Variants in CANX observed in about 807,000 individuals in gnomAD.
CANX encodes calnexin.
Under a neutral mutation model 75.7 loss-of-function variants are expected in CANX, and 14 were observed. That is an observed-to-expected ratio of 0.19 (90% CI 0.12 to 0.29). The LOEUF (loss-of-function observed/expected upper bound fraction) is 0.29, where lower values mean the gene tolerates loss of function less well. Ranked by LOEUF, CANX falls within the 10% of genes least tolerant of loss-of-function variation. The probability of loss-of-function intolerance (pLI) is 1.00; values close to 1 mark genes in which losing one functional copy is unlikely to be tolerated. For synonymous variants in CANX, 227 were observed against 236.9 expected (o/e 0.96, Z 0.38); for missense variants, 567 against 713.2 (o/e 0.79, Z 2.34).
chr5:179,682,111 G>T (rs1298857623), intron 1 of CANX, among the ~76,000 whole-genome samples: 2 of 151,904 alleles, frequency 1.3e-5, no homozygotes, highest in Non-Finnish European at 2.9e-5. Context: ...AATTAGCCGG[G>T]TGTGGTGGCG....
intron 1 of CANX, among the ~76,000 whole-genome samples, chr5:179,681,944 TAAAAAA>T (rs58981244): frequency 1.6e-5 from 2 of 125,364 alleles, no homozygotes; most frequent in Non-Finnish European, 1.6e-5. Context: ...ACCCTGTGTT[TAAAAAA>T]AAAAAAAAAA....
At chr5:179,702,240 T>TA (rs1341553802) in intron 1 of CANX, among the ~76,000 whole-genome samples, 1 of 151,260 alleles carries the variant, frequency 6.6e-6, no homozygotes, top group Non-Finnish European at 1.5e-5. Context: ...TTTTCATAGA[T>TA]ACTTCGCTTT....
chr5:179,702,860 C>G (rs1027613414), intron 1 of CANX, among the ~76,000 whole-genome samples: 1 of 152,094 alleles, frequency 6.6e-6, no homozygotes, highest in African/African-American at 2.4e-5. Context: ...AACTCCACTT[C>G]CCGGGTTCAA....
intron 1 of CANX, among the ~76,000 whole-genome samples, chr5:179,691,130 A>G (rs1776292937): frequency 6.6e-6 from 1 of 151,708 alleles, no homozygotes; most frequent in African/African-American, 2.4e-5. Context: ...GGTTCAAGCA[A>G]TTCTCCTGCC....
intron 1 of CANX, among the ~76,000 whole-genome samples, chr5:179,686,516 G>C (rs1776193547): frequency 6.6e-6 from 1 of 152,022 alleles, no homozygotes; most frequent in Non-Finnish European, 1.5e-5. Context: ...CTGTTGCCCA[G>C]GCTGGAGTCT....
chr5:179,715,815 G>GTTTT (rs1195140945), intron 7 of CANX: 1 of 421,884 alleles, frequency 2.4e-6, no homozygotes, highest in African/African-American at 2.1e-5. Context: ...GTAGTTTCTT[G>GTTTT]TTTTTTTTGT....
rs1325652104 is a variant in CANX at position 179,729,717 on chromosome 5, T to C, written c.*1073T>C. On this transcript the variant is annotated 3_prime_UTR_variant, in exon 15 of 15. Transcript: ENST00000247461. ...GGGTCAAAGTACAGAATAGAATACA[T>C]TGATACAAAGTACAGAAAAATACTT... is the stretch of plus-strand genomic sequence containing the variant. 1 of 152,670 alleles carries C rather than the reference T, an allele frequency of 6.6e-6. No individual in the cohort carries two copies. The highest frequency in any genetic ancestry group is 1.9e-4 in the East Asian group (1 of 5,202). The allele number at this position is 152,670 out of a possible 1,614,324, so 9.5% of individuals were successfully genotyped here.
chr5:179,702,619 C>T (rs936654185), intron 1 of CANX, among the ~76,000 whole-genome samples: 1 of 152,116 alleles, frequency 6.6e-6, no homozygotes, highest in African/African-American at 2.4e-5. Flanking sequence ...TTGCTTCTGA[C>T]TGTTGGCTGT....
upstream of CANX, chr5:179,694,682 TG>T: frequency 1.4e-6 from 1 of 732,908 alleles, no homozygotes; most frequent in South Asian, 1.4e-5. Context: ...GGAAGTTTGA[TG>T]GCTCAAAGCG....
Position 179,723,676 on chromosome 5 carries a change from A to G in CANX, c.1415A>G (p.Gln472Arg). ...DGAAEPGVVG[Q>R]MIEAAEERPW... Reference sequence around the variant, plus strand: ...GTTTTTCAGCCAGGCGTTGTGGGGCAGATGATCGAGGCAGCTGAAGAGCGC... The same window carrying G: ...GTTTTTCAGCCAGGCGTTGTGGGGCGGATGATCGAGGCAGCTGAAGAGCGC... Residue 472 changes from glutamine (Q) to arginine (R), a missense_variant, in exon 12 of 15, where the codon CAG (glutamine) becomes CGG (arginine). This residue lies in a region of CANX where 167 missense variants were observed against 179.3 expected (regional missense o/e 0.93). Coordinates refer to ENST00000247461, the MANE Select transcript of CANX (RefSeq NM_001746.4). 2 of 1,613,618 alleles carry G rather than the reference A, an allele frequency of 1.2e-6. No homozygotes were observed. Among genetic ancestry groups the G allele is most frequent in the Non-Finnish European group, 1.7e-6 (2 of 1,179,854 alleles).
intron 14 of CANX, among the ~76,000 whole-genome samples, chr5:179,728,256 C>T (rs1244797837): frequency 6.6e-6 from 1 of 152,194 alleles, no homozygotes; most frequent in East Asian, 1.9e-4. Flanking sequence ...TTCTTATCCT[C>T]AGAATGGGGC....
intron 1 of CANX, among the ~76,000 whole-genome samples, chr5:179,690,689 A>T (rs1157034396): frequency 6.6e-6 from 1 of 151,646 alleles, no homozygotes; most frequent in Non-Finnish European, 1.5e-5. Flanking sequence ...CAGGAGTTGG[A>T]GACCAGCCTG....
Position 179,716,213 on chromosome 5 carries a change from A to G in CANX, c.830A>G (p.Glu277Gly), listed in dbSNP as rs935452629. Residue 277 changes from glutamate (E) to glycine (G), a missense_variant, in exon 8 of 15, where the codon GAG becomes GGG. Glu to Gly is a moderately conservative substitution (Grantham distance 98, BLOSUM62 -2). Transcript: ENST00000247461. Reference protein sequence around the residue: ...TPPVNPSREIEDPEDRKPEDW... With the variant: ...TPPVNPSREIGDPEDRKPEDW... ...CCTGTAAATCCTTCACGTGAAATTG[A>G]GGACCCAGAAGACCGGAAGCCCGAG... 2.5e-6 allele frequency: 4 copies of G among 1,614,064 alleles called. No individual in the cohort carries two copies. Among genetic ancestry groups the G allele is most frequent in the East Asian group, 2.2e-5 (1 of 44,888 alleles).
At chr5:179,698,818 A>T, upstream of CANX, 1 of 726,174 alleles carries the variant, frequency 1.4e-6, no homozygotes, top group African/African-American at 1.8e-5. Context: ...TAGGGGGCGT[A>T]TGGGACGGTG....
chr5:179,712,648 C>G (rs1297804469), intron 7 of CANX, among the ~76,000 whole-genome samples: 1 of 148,432 alleles, frequency 6.7e-6, no homozygotes, highest in East Asian at 2.0e-4. Flanking sequence ...TGGTCTCAAA[C>G]TCCCGACGTC....
chr5:179,711,601 CAACA>C, intron 7 of CANX, among the ~76,000 whole-genome samples: 5 of 151,672 alleles, frequency 3.3e-5, no homozygotes, highest in African/African-American at 9.7e-5. Context: ...CCAGCCTGGC[CAACA>C]TGGTGAAGCC....
chr5:179,698,332 T>C, upstream of CANX: 2 of 955,116 alleles, frequency 2.1e-6, no homozygotes, highest in Non-Finnish European at 2.7e-6. Flanking sequence ...GACTGTGTGT[T>C]ATGCTGGGCG....
In CANX at chr5:179,724,756, G is replaced by A. The variant is rs1778538140; in HGVS notation, c.1618G>A (p.Glu540Lys). 2 of 1,609,592 alleles carry A rather than the reference G, an allele frequency of 1.2e-6. No individual in the cohort carries two copies. Among genetic ancestry groups the A allele is most frequent in the Admixed American group, 1.7e-5 (1 of 59,506 alleles). ...EKEEEKDKGD[E>K]EEEGEEKLEE... is the part of the protein sequence containing the mutation. ...GGAAGAGGAAAAGGACAAGGGAGAT[G>A]AGGAGGAGGAAGGAGAAGAGAAACT... is the stretch of plus-strand genomic sequence containing the variant. The change falls in exon 13 of 15, where the codon GAG (glutamate) becomes AAG (lysine). Residue 540 changes from glutamate (E) to lysine (K), a missense_variant. Physicochemically the swap from Glu to Lys is moderately conservative, Grantham distance 56. This residue lies in a region of CANX where 167 missense variants were observed against 179.3 expected (regional missense o/e 0.93). Coordinates refer to ENST00000247461, the MANE Select transcript of CANX (RefSeq NM_001746.4).
intron 11 of CANX, 81 bp downstream of exon 11, chr5:179,723,100 T>G: frequency 7.9e-7 from 1 of 1,259,744 alleles, no homozygotes; most frequent in East Asian, 2.3e-5. Context: ...AAGGTTTTTT[T>G]TCTTCATTTG....
Sources: gnomAD v4.1 joint callset for allele counts (sites outside exome capture counted in the v4.1 genomes callset) on GRCh38, gnomAD v4.1.1 for gene constraint, gnomAD v4.1.1 regional missense constraint, MANE v1.5 for transcripts, NCBI Gene and HGNC (gene_info 2026-07-23, HGNC 2026-07-21) for gene names.